Variants in ZC3HAV1 observed in about 807,000 individuals in gnomAD.
ZC3HAV1 encodes the protein zinc finger CCCH-type antiviral protein 1.
ZC3HAV1 carries 41 observed loss-of-function variants against 86.6 expected under a neutral mutation model. The ratio of observed to expected loss-of-function variants is 0.47; its 90% confidence interval spans 0.37 to 0.61. The LOEUF is 0.61. ZC3HAV1 is among the 20% of genes least tolerant of loss of function. The pLI, the probability that ZC3HAV1 is intolerant of heterozygous loss-of-function variation, is 0.00. For synonymous variants in ZC3HAV1, 421 were observed against 432.1 expected, an observed-to-expected ratio of 0.97 and a Z score of 0.32; for missense variants, 964 against 1,141.1, an observed-to-expected ratio of 0.84 and a Z score of 2.24.
At chr7:139,095,298 G>T (rs576174514) in intron 1 of ZC3HAV1, among the ~76,000 whole-genome samples, 5 of 152,234 alleles carry the variant, frequency 3.3e-5, no homozygotes, top group Admixed American at 3.3e-4. Context: ...TTAAATTGCC[G>T]TGTTATTAGA....
intron 1 of ZC3HAV1, among the ~76,000 whole-genome samples, chr7:139,093,002 C>T (rs1244323914): frequency 2.6e-5 from 4 of 152,146 alleles, no homozygotes; most frequent in Middle Eastern, 3.2e-3. Flanking sequence ...TGATCAGCCA[C>T]GAAGGTGGGG....
intron 1 of ZC3HAV1, among the ~76,000 whole-genome samples, chr7:139,104,614 G>GGAGGAGGGGAATGGGTTCTAACCC (rs2130741443): frequency 6.6e-6 from 1 of 150,832 alleles, no homozygotes; most frequent in Non-Finnish European, 1.5e-5. Flanking sequence ...TCCCAGCTAC[G>GGAGGAGGGGAATGGGTTCTAACCC]CGGGAGGCTG....
intron 7 of ZC3HAV1, among the ~76,000 whole-genome samples, chr7:139,072,458 A>G (rs1209195075): frequency 6.6e-6 from 1 of 152,144 alleles, no homozygotes; most frequent in African/African-American, 2.4e-5. Flanking sequence ...AAGTGCTGGG[A>G]TTACAGGAGT....
Position 139,075,523 on chromosome 7 carries a change from C to T in ZC3HAV1, c.1697+763G>A, listed in dbSNP as rs144281166. Among the ~76,000 whole-genome samples the T allele has an allele frequency of 5.3e-4, 81 of 152,340 alleles. 5 individuals are homozygous for T. The highest frequency in any genetic ancestry group is 1.8e-3 in the African/African-American group (74 of 41,586). ...TCACGGCTCATTGCAGCCTCAACTT[C>T]TTGGGCTCCAGTGATCCTCTCACAT... is the stretch of plus-strand genomic sequence containing the variant. On this transcript the variant is annotated intron_variant, in intron 6 of 12. Coordinates refer to ENST00000242351, the MANE Select transcript of ZC3HAV1 (RefSeq NM_020119.4).
In ZC3HAV1 at chr7:139,043,942, GT is replaced by G. The variant is rs994086598; in HGVS notation, c.*3651del. Reference sequence around the variant, plus strand: ...CAGTGGTTCTCACTGTGGTCAGTGGGTTATTGGTGGTTTCATAATAACTGGG... The same window carrying G: ...CAGTGGTTCTCACTGTGGTCAGTGGGTATTGGTGGTTTCATAATAACTGGG... On this transcript the variant is annotated 3_prime_UTR_variant, in exon 13 of 13. Coordinates refer to ENST00000242351, the MANE Select transcript of ZC3HAV1 (RefSeq NM_020119.4). The G allele has an allele frequency of 4.6e-4, 70 of 152,302 alleles. No individual in the cohort carries two copies. The highest frequency in any genetic ancestry group is 1.6e-3 in the African/African-American group (66 of 41,552). 9.4% of individuals were successfully genotyped at this position (152,302 alleles called of 1,614,324 possible).
At chr7:139,047,955 G>T in intron 12 of ZC3HAV1, 102 bp from the exon 13 acceptor site, 1 of 1,174,654 alleles carries the variant, frequency 8.5e-7, no homozygotes, top group Non-Finnish European at 1.2e-6. Context: ...CTAAGCATAT[G>T]TCAATAATAC....
chr7:139,048,031 T>C (rs879796042), intron 12 of ZC3HAV1, among the ~76,000 whole-genome samples, 178 bp from the exon 13 acceptor site: 10 of 152,244 alleles, frequency 6.6e-5, no homozygotes, highest in Admixed American at 1.3e-4. Flanking sequence ...CGAACTTAAA[T>C]ACAGTATATA....
intron 12 of ZC3HAV1, among the ~76,000 whole-genome samples, chr7:139,049,142 T>TTGG (rs1554439108): frequency 1.9e-5 from 2 of 104,900 alleles, no homozygotes; most frequent in Non-Finnish European, 3.7e-5. Flanking sequence ...TTTTTTTTTT[T>TTGG]TCGTTGTTGT....
At chr7:139,082,945 T>G (rs922212796) in intron 3 of ZC3HAV1, among the ~76,000 whole-genome samples, 1 of 152,154 alleles carries the variant, frequency 6.6e-6, no homozygotes, top group African/African-American at 2.4e-5. Flanking sequence ...AATAATAAAT[T>G]TTCTGTATTA....
chr7:139,073,846 C>T lies in ZC3HAV1; in HGVS notation c.1872+10G>A. The T allele has an allele frequency of 1.3e-6, 2 of 1,599,856 alleles. No homozygotes were observed. Among genetic ancestry groups the T allele is most frequent in the Non-Finnish European group, 1.7e-6 (2 of 1,171,860 alleles). On this transcript the variant is annotated intron_variant, in intron 7 of 12. Transcript: ENST00000242351. Reference sequence around the variant, plus strand: ...AACAAGAGCCCCCTACAAGGAGGAACAGTGCTCACCTCTTCTCCATACTGA... The same window carrying T: ...AACAAGAGCCCCCTACAAGGAGGAATAGTGCTCACCTCTTCTCCATACTGA...
Position 139,047,328 on chromosome 7 carries a change from CAAAAAAAAAAAAAA to C in ZC3HAV1, c.*252_*265del. The C allele has an allele frequency of 3.9e-6, 1 of 259,532 alleles. No homozygotes were observed. Among genetic ancestry groups the C allele is most frequent in the Non-Finnish European group, 6.9e-6 (1 of 144,852 alleles). The allele number at this position is 259,532 out of a possible 1,614,324, so 16.1% of individuals were successfully genotyped here. ...TGGACGATGGAGTGAGATTCAGTCT[CAAAAAAAAAAAAAA>C]AAAAAAAAATACAACTGCCTGGCGC... is the stretch of plus-strand genomic sequence containing the variant. On this transcript the variant is annotated 3_prime_UTR_variant, in exon 13 of 13. Coordinates refer to ENST00000242351, the MANE Select transcript of ZC3HAV1 (RefSeq NM_020119.4).
intron 10 of ZC3HAV1, 30 bp from the exon 11 acceptor site, chr7:139,054,125 A>G: frequency 6.5e-7 from 1 of 1,540,464 alleles, no homozygotes; most frequent in South Asian, 1.2e-5. Flanking sequence ...GATAAATGTG[A>G]AATAGGAAAC....
At chr7:139,091,674 TG>T (rs145899056) in intron 1 of ZC3HAV1, among the ~76,000 whole-genome samples, 2,320 of 152,102 alleles carry the variant, frequency 0.015, 70 homozygotes, top group African/African-American at 0.052. Context: ...TGGAGTGCAG[TG>T]GCACAATCAC....
intron 8 of ZC3HAV1, among the ~76,000 whole-genome samples, 154 bp downstream of exon 8, chr7:139,064,725 T>A (rs150554507): frequency 4.8e-4 from 73 of 152,276 alleles, no homozygotes; most frequent in Admixed American, 2.6e-3. Flanking sequence ...AGAACACAGG[T>A]CTTCTGATGG....
intron 1 of ZC3HAV1, among the ~76,000 whole-genome samples, chr7:139,098,301 T>A (rs1046681436): frequency 6.6e-6 from 1 of 152,218 alleles, no homozygotes; most frequent in Admixed American, 6.5e-5. Flanking sequence ...AAATTGATTT[T>A]AAAAAGTTTT....
intron 6 of ZC3HAV1, 148 bp from the exon 7 acceptor site, chr7:139,074,178 T>C: frequency 1.5e-6 from 1 of 674,124 alleles, no homozygotes; most frequent in Non-Finnish European, 2.3e-6. Flanking sequence ...GTCCTACACA[T>C]AAAAGAAAAA....
intron 2 of ZC3HAV1, among the ~76,000 whole-genome samples, chr7:139,086,014 A>C (rs1211324842): frequency 6.6e-6 from 1 of 150,686 alleles, no homozygotes; most frequent in African/African-American, 2.4e-5. Flanking sequence ...CCATCTCAAA[A>C]AAGAAAAAAA....
At chr7:139,048,140 G>T (rs189022776) in intron 12 of ZC3HAV1, among the ~76,000 whole-genome samples, 1 of 152,262 alleles carries the variant, frequency 6.6e-6, no homozygotes, top group Non-Finnish European at 1.5e-5. Flanking sequence ...TGTCACAGTG[G>T]CCCAATTCAT....
At chr7:139,097,233 C>T (rs770416887) in intron 1 of ZC3HAV1, among the ~76,000 whole-genome samples, 36 of 149,254 alleles carry the variant, frequency 2.4e-4, no homozygotes, top group South Asian at 2.1e-4. Context: ...CCCTCCTCTT[C>T]GGAACAGAAT....
Sources: allele counts gnomAD v4.1 joint callset (sites outside exome capture counted in the v4.1 genomes callset), GRCh38; gene constraint gnomAD v4.1.1; transcripts MANE v1.5; gene names NCBI Gene and HGNC (gene_info 2026-07-23, HGNC 2026-07-21).